Variants in ADGRG1 observed in about 807,000 individuals in gnomAD.
ADGRG1 encodes adhesion G protein-coupled receptor G1.
ADGRG1 carries 53 observed loss-of-function variants against 73.5 expected under a neutral mutation model. The ratio of observed to expected loss-of-function variants is 0.72; its 90% CI spans 0.58 to 0.91. The LOEUF (loss-of-function observed/expected upper bound fraction) is 0.91. ADGRG1 is among the 40% of genes least tolerant of loss of function. ADGRG1 has a pLI of 0.00. For missense variants in ADGRG1, 795 were observed against 871.8 expected (o/e 0.91, Z 1.11); for synonymous variants, 394 against 374.4 (o/e 1.05, Z -0.60).
chr16:57,641,477 C>G, intron 1 of ADGRG1: 1 of 985,242 alleles, frequency 1.0e-6, no homozygotes. Context: ...TCTTTGAGGT[C>G]CCTTCAAGAC....
chr16:57,656,702 T>C (rs2045826484), intron 9 of ADGRG1, 85 bp downstream of exon 9: 1 of 836,124 alleles, frequency 1.2e-6, no homozygotes, highest in Non-Finnish European at 2.1e-6. Flanking sequence ...TTCAGTCATT[T>C]ATTCCTCATA....
chr16:57,636,327 GC>G (rs2039357456), intron 1 of ADGRG1: 2 of 985,216 alleles, frequency 2.0e-6, no homozygotes, highest in Non-Finnish European at 2.4e-6. Context: ...GCTGTCTGTG[GC>G]CCCAGTGGCA....
chr16:57,650,503 C>T (rs879716243), intron 2 of ADGRG1, 152 bp downstream of exon 2: 132 of 1,420,628 alleles, frequency 9.3e-5, no homozygotes, highest in Middle Eastern at 6.9e-4. Flanking sequence ...GACACTCCTT[C>T]CTTCTGGCAG....
intron 1 of ADGRG1, among the ~76,000 whole-genome samples, chr16:57,644,577 A>C (rs2041882736): frequency 7.0e-6 from 1 of 142,830 alleles, no homozygotes; most frequent in South Asian, 2.2e-4. Flanking sequence ...ATGCACAAGC[A>C]CACACACTGA....
chr16:57,639,696 C>G (rs558774478), intron 1 of ADGRG1: 2 of 978,392 alleles, frequency 2.0e-6, no homozygotes, highest in Non-Finnish European at 2.4e-6. Context: ...CTCCTCTCCC[C>G]TCCTCCCCGT....
chr16:57,631,113 G>C (rs1447458345), intron 1 of ADGRG1: 1 of 985,762 alleles, frequency 1.0e-6, no homozygotes, highest in Non-Finnish European at 1.2e-6. Flanking sequence ...CTGGCTGCTG[G>C]GTTAAGGCTC....
At chr16:57,634,845 G>A (rs1354585194) in intron 1 of ADGRG1, among the ~76,000 whole-genome samples, 1 of 152,188 alleles carries the variant, frequency 6.6e-6, no homozygotes, top group Non-Finnish European at 1.5e-5. Flanking sequence ...AGCATCACAT[G>A]GGTCTTTCTA....
At chr16:57,628,885 A>T (rs796405169) in intron 1 of ADGRG1, 83 bp downstream of exon 1, 15 of 781,440 alleles carry the variant, frequency 1.9e-5, no homozygotes, top group Admixed American at 7.1e-5. Context: ...TGAGTGTGTG[A>T]GAGTGTGAGT....
At chr16:57,654,679 A>G (rs1196862369) in intron 5 of ADGRG1, among the ~76,000 whole-genome samples, 5 of 152,068 alleles carry the variant, frequency 3.3e-5, no homozygotes, top group Admixed American at 3.3e-4. Flanking sequence ...CAGGAGTTCG[A>G]GACCAGCCTG....
chr16:57,630,592 C>A, intron 1 of ADGRG1: 1 of 935,360 alleles, frequency 1.1e-6, no homozygotes, highest in Non-Finnish European at 1.3e-6. Context: ...CAGGCTGTGT[C>A]CCGGCCTGGG....
chr16:57,633,917 C>G (rs944833915), intron 1 of ADGRG1, among the ~76,000 whole-genome samples: 12 of 152,224 alleles, frequency 7.9e-5, no homozygotes, highest in Admixed American at 2.0e-4. Context: ...GAGGCATTGT[C>G]CAGCCTGGGA....
chr16:57,641,565 CTTTT>C (rs35725310), intron 1 of ADGRG1: 1,305 of 897,796 alleles, frequency 1.5e-3, no homozygotes, highest in Middle Eastern at 2.8e-3. Flanking sequence ...TCTAAAAGTC[CTTTT>C]TTTTTTTTTT....
intron 1 of ADGRG1, chr16:57,641,251 G>A (rs1293857785): frequency 1.0e-6 from 1 of 970,390 alleles, no homozygotes; most frequent in Non-Finnish European, 1.2e-6. Context: ...TGAACCTTAT[G>A]CCCCTAACTC....
chr16:57,648,418 A>T lies in ADGRG1; in HGVS notation c.-35-1835A>T, dbSNP rs560790709. On this transcript the variant is annotated intron_variant, in intron 1 of 13. Transcript: ENST00000562631. ...TCTCAAAGGGCTCTGTGATGCCACC[A>T]GGGCAAGATGATGTGCCTATTTGAC... is the stretch of plus-strand genomic sequence containing the variant. 3 of 976,550 alleles carry T rather than the reference A, an allele frequency of 3.1e-6. No homozygotes were observed. In the South Asian group the frequency reaches 1.4e-4, roughly 46 times the overall value. 60.5% of individuals were successfully genotyped at this position (976,550 alleles called of 1,614,324 possible). A position where few individuals can be genotyped will look rare whatever the true frequency, so the allele number is the denominator to read the frequency against.
At chr16:57,634,963 A>G (rs1339824647) in intron 1 of ADGRG1, 9 of 985,390 alleles carry the variant, frequency 9.1e-6, no homozygotes, top group Non-Finnish European at 1.1e-5. Flanking sequence ...CATGAAAGCC[A>G]TGAATGCATC....
rs2278809 is a variant in ADGRG1, at chr16:57,660,943, G to A, written c.1664+67G>A. 0.015 allele frequency: 14,640 copies of A among 960,760 alleles called. 737 individuals carry two copies. The East Asian group carries it at 0.16, about 11-fold the overall frequency. 59.5% of individuals were successfully genotyped at this position (960,760 alleles called of 1,614,324 possible). A position where few individuals can be genotyped will look rare whatever the true frequency, so the allele number is the denominator to read the frequency against. ...GGGCACAGAGGCCAGAGTGCAGCCC[G>A]GGCCCAGGTCATGCTGGCCAGGGGA... On this transcript the variant is annotated intron_variant, in intron 12 of 13. Transcript: ENST00000562631.
chr16:57,661,555 A>T lies in ADGRG1; in HGVS notation c.1665-142A>T. On this transcript the variant is annotated intron_variant, in intron 12 of 13. Coordinates refer to ENST00000562631, the MANE Select transcript of ADGRG1 (RefSeq NM_201525.4). Reference sequence around the variant, plus strand: ...GACTTGTTAACTCAAATGTATTTTTAAAATTACATCAACACTGTAAATAGA... The same window carrying T: ...GACTTGTTAACTCAAATGTATTTTTTAAATTACATCAACACTGTAAATAGA... 6.0e-6 allele frequency: 9 copies of T among 1,493,404 alleles called. No homozygotes were observed. The South Asian group carries it at 1.0e-4, about 17-fold the overall frequency. The allele number at this position is 1,493,404 out of a possible 1,614,324, so 92.5% of individuals were successfully genotyped here.
intron 12 of ADGRG1, chr16:57,661,314 C>T: frequency 1.0e-6 from 1 of 985,342 alleles, no homozygotes; most frequent in Non-Finnish European, 1.2e-6. Context: ...CTTCTCCACT[C>T]ACCTGATTCA....
chr16:57,629,298 C>A (rs568136809), intron 1 of ADGRG1: 12 of 354,806 alleles, frequency 3.4e-5, no homozygotes, highest in Non-Finnish European at 4.7e-5. Flanking sequence ...CGACACCTCC[C>A]GGGGCTCCCA....
Sources: gnomAD v4.1 joint callset for allele counts (sites outside exome capture counted in the v4.1 genomes callset) on GRCh38, gnomAD v4.1.1 for gene constraint, MANE v1.5 for transcripts, NCBI Gene and HGNC (gene_info 2026-07-23, HGNC 2026-07-21) for gene names.